The following ABCC2 variants were observed in gnomAD, a reference collection of about 807,000 sequenced individuals.
ABCC2 encodes the protein ATP-binding cassette sub-family C member 2.
Under a neutral mutation model 173.4 loss-of-function variants are expected in ABCC2, and 157 were observed. The ratio of observed to expected loss-of-function variants is 0.91; its 90% CI spans 0.80 to 1.03. The LOEUF (loss-of-function observed/expected upper bound fraction) is 1.03, where lower values mean the gene tolerates loss of function less well. Ranked by LOEUF, ABCC2 falls within the 50% of genes least tolerant of loss-of-function variation. The pLI is 0.00. For missense variants in ABCC2, 1,822 were observed against 1,852.3 expected (o/e 0.98, Z 0.30); for synonymous variants, 657 against 693.5 (o/e 0.95, Z 0.83).
intron 30 of ABCC2, among the ~76,000 whole-genome samples, 158 bp from the exon 31 acceptor site, chr10:99,850,444 G>A (rs1446194494): frequency 6.6e-6 from 1 of 152,220 alleles, no homozygotes; most frequent in Non-Finnish European, 1.5e-5. Context: ...GATGCTCACA[G>A]CAGCAAGGTA....
chr10:99,845,324 C>T (rs901024205), intron 28 of ABCC2, among the ~76,000 whole-genome samples: 2 of 152,138 alleles, frequency 1.3e-5, no homozygotes, highest in Admixed American at 6.5e-5. Flanking sequence ...TGAGCCACCA[C>T]GCCTGGCCTA....
At chr10:99,832,438 GA>G (rs901832334) in intron 23 of ABCC2, among the ~76,000 whole-genome samples, 1 of 150,522 alleles carries the variant, frequency 6.6e-6, no homozygotes, top group South Asian at 2.1e-4. Flanking sequence ...GAGTACAAAG[GA>G]AAAAAAGGCA....
chr10:99,839,094 C>A (rs1350977731), intron 25 of ABCC2, among the ~76,000 whole-genome samples: 87 of 143,518 alleles, frequency 6.1e-4, no homozygotes, highest in Non-Finnish European at 9.9e-4. Flanking sequence ...GGGCAGACCC[C>A]CCCCCCACCT....
intron 23 of ABCC2, among the ~76,000 whole-genome samples, chr10:99,832,345 G>C (rs1381687955): frequency 1.3e-5 from 2 of 152,142 alleles, no homozygotes; most frequent in Non-Finnish European, 2.9e-5. Context: ...TCAGCATCTA[G>C]TGAAGAAGAC....
At chr10:99,814,795 A>ATGTGTGTGTGTGTG (rs147016911) in intron 16 of ABCC2, among the ~76,000 whole-genome samples, 2 of 135,588 alleles carry the variant, frequency 1.5e-5, no homozygotes, top group Non-Finnish European at 3.2e-5. Flanking sequence ...ACACACACAC[A>ATGTGTGTGTGTGTG]TATGTGTGTG....
chr10:99,841,116 TCTTC>T (rs2038936860), intron 25 of ABCC2, among the ~76,000 whole-genome samples: 2 of 152,194 alleles, frequency 1.3e-5, no homozygotes, highest in Non-Finnish European at 2.9e-5. Flanking sequence ...CTCAGCTTCT[TCTTC>T]CCCTTTTACA....
chr10:99,843,964 C>A, intron 27 of ABCC2, 64 bp downstream of exon 27: 1 of 1,320,256 alleles, frequency 7.6e-7, no homozygotes, highest in Non-Finnish European at 1.1e-6. Flanking sequence ...TTCGAGAGTG[C>A]ATCTTTAGAA....
At chr10:99,822,422 G>A (rs997725723) in intron 19 of ABCC2, among the ~76,000 whole-genome samples, 7 of 151,100 alleles carry the variant, frequency 4.6e-5, no homozygotes, top group African/African-American at 1.2e-4. Flanking sequence ...AACGGTGCTC[G>A]ACTGTGGTGT....
At chr10:99,810,549 T>A (rs2038191936) in intron 14 of ABCC2, among the ~76,000 whole-genome samples, 1 of 152,016 alleles carries the variant, frequency 6.6e-6, no homozygotes, top group Middle Eastern at 3.2e-3. Context: ...ATTCTGAAGG[T>A]TTAAAGATTG....
At position 99,807,640 on chromosome 10, in the gene ABCC2, G is replaced by A; in HGVS notation, c.1668+119G>A. 4 of 1,450,750 alleles carry A rather than the reference G, an allele frequency of 2.8e-6. No individual in the cohort carries two copies. The East Asian group carries it at 6.9e-5, about 25-fold the overall frequency. 89.9% of individuals were successfully genotyped at this position (1,450,750 alleles called of 1,614,324 possible). On this transcript the variant is annotated intron_variant, in intron 12 of 31. Transcript: ENST00000647814. The stretch of plus-strand genomic sequence containing the variant: ...CTCTAGGCCTGACCGCAAGATCCAG[G>A]GGACTTGTCCCTCTCACCGCCCCAT...
At chr10:99,828,764 C>CTG (rs1214838508) in intron 19 of ABCC2, among the ~76,000 whole-genome samples, 2 of 151,982 alleles carry the variant, frequency 1.3e-5, no homozygotes, top group East Asian at 1.9e-4. Context: ...CTGAGAGGTT[C>CTG]TGTGTGTGTG....
chr10:99,836,057 C>G, intron 24 of ABCC2, 34 bp from the exon 25 acceptor site: 2 of 1,606,712 alleles, frequency 1.2e-6, no homozygotes, highest in Non-Finnish European at 1.7e-6. Flanking sequence ...CTCATGACTG[C>G]GGGACTGGCT....
chr10:99,844,904 G>T (rs2038996180), intron 28 of ABCC2, among the ~76,000 whole-genome samples: 1 of 152,186 alleles, frequency 6.6e-6, no homozygotes, highest in African/African-American at 2.4e-5. Context: ...GTTCTCCGAG[G>T]ACTTGGGGTC....
intron 28 of ABCC2, among the ~76,000 whole-genome samples, chr10:99,845,292 C>G (rs888383544): frequency 6.6e-6 from 1 of 152,108 alleles, no homozygotes; most frequent in Non-Finnish European, 1.5e-5. Flanking sequence ...CTTGGCCTCC[C>G]GAAGTGCTGG....
intron 7 of ABCC2, chr10:99,797,802 G>A (rs1205559765): frequency 4.9e-6 from 1 of 205,526 alleles, no homozygotes; most frequent in Non-Finnish European, 1.0e-5. Context: ...TAAAACAATA[G>A]TGTATTTGGA....
At position 99,807,419 on chromosome 10, in the gene ABCC2, A is replaced by G; in HGVS notation, c.1566A>G (p.Arg522=). The change falls in exon 12 of 32, where the codon AGA becomes AGG. Residue 522 remains arginine, a synonymous_variant. Coordinates refer to ENST00000647814, the MANE Select transcript of ABCC2 (RefSeq NM_000392.5). Reference sequence around the variant, plus strand: ...ATTTTGCCTGGGAACCTTCATTCAGAGACCAAGTACAAAACCTCCGGAAGA... The same window carrying G: ...ATTTTGCCTGGGAACCTTCATTCAGGGACCAAGTACAAAACCTCCGGAAGA... ...LKYFAWEPSF[R]DQVQNLRKKE... 1 of 1,614,126 alleles carries G rather than the reference A, an allele frequency of 6.2e-7. No individual in the cohort carries two copies. Among genetic ancestry groups the G allele is most frequent in the Non-Finnish European group, 8.5e-7 (1 of 1,179,998 alleles).
chr10:99,830,673 C>T, intron 20 of ABCC2, 43 bp from the exon 21 acceptor site: 2 of 1,613,720 alleles, frequency 1.2e-6, no homozygotes, highest in Non-Finnish European at 1.7e-6. Context: ...CAAGAAGACC[C>T]TTGGGAATTG....
chr10:99,842,629 G>A (rs1004379501), intron 26 of ABCC2, among the ~76,000 whole-genome samples: 11 of 152,084 alleles, frequency 7.2e-5, no homozygotes, highest in African/African-American at 1.4e-4. Context: ...TGGCACTACC[G>A]TAATTATTCA....
intron 6 of ABCC2, among the ~76,000 whole-genome samples, chr10:99,796,691 A>C (rs1451143379): frequency 6.6e-6 from 1 of 152,054 alleles, no homozygotes; most frequent in African/African-American, 2.4e-5. Flanking sequence ...TCTCAAAAAA[A>C]ACACAAAAAA....
Sources: allele counts gnomAD v4.1 joint callset (sites outside exome capture counted in the v4.1 genomes callset), GRCh38; gene constraint gnomAD v4.1.1; transcripts MANE v1.5; gene names NCBI Gene and HGNC (gene_info 2026-07-23, HGNC 2026-07-21).